Variants in ZNF600 observed in about 807,000 individuals in gnomAD.
The protein encoded by ZNF600 is zinc finger protein KR-ZNF1.
In ZNF600, 4 loss-of-function variants were observed where a neutral mutation model predicts 7.3. That is an observed-to-expected ratio of 0.55 (90% CI 0.27 to 1.25). The LOEUF (loss-of-function observed/expected upper bound fraction) is 1.25. Ranked by LOEUF, ZNF600 falls within the 50% of genes most tolerant of loss-of-function variation. The probability of loss-of-function intolerance (pLI) is 0.12; values close to 1 mark genes in which losing one functional copy is unlikely to be tolerated. For missense variants in ZNF600, 911 were observed against 922.1 expected (o/e 0.99, Z 0.16); for synonymous variants, 290 against 308.9 (o/e 0.94, Z 0.64).
the ZNF600 span, among the ~76,000 whole-genome samples, chr19:52,792,810 G>A: frequency 6.6e-6 from 1 of 151,504 alleles, no homozygotes; most frequent in African/African-American, 2.4e-5. Flanking sequence ...TCGGCTCACT[G>A]CAAGCTCCGC....
chr19:52,768,380 C>T (rs1600376439), intron 3 of ZNF600, among the ~76,000 whole-genome samples: 1 of 146,586 alleles, frequency 6.8e-6, no homozygotes, highest in African/African-American at 2.5e-5. Flanking sequence ...GCAGAGGTTG[C>T]GGTGAGGCAA....
chr19:52,800,774 A>T, the ZNF600 span: 5 of 1,614,116 alleles, frequency 3.1e-6, no homozygotes, highest in South Asian at 4.4e-5. Flanking sequence ...CACATTCATT[A>T]CACTTGTAAG....
the ZNF600 span, among the ~76,000 whole-genome samples, chr19:52,802,763 T>A: frequency 7.9e-5 from 2 of 25,184 alleles, no homozygotes; most frequent in Non-Finnish European, 2.4e-4. Flanking sequence ...CGTTGTGACT[T>A]TTTTTTTTTT....
At chr19:52,823,700 G>A in the ZNF600 span, among the ~76,000 whole-genome samples, 236 of 152,192 alleles carry the variant, frequency 1.6e-3, 2 homozygotes, top group South Asian at 1.0e-2. Context: ...TACAAGGATC[G>A]TTCCCAAGAC....
At chr19:52,807,851 A>G in the ZNF600 span, 2 of 1,222,092 alleles carry the variant, frequency 1.6e-6, no homozygotes, top group African/African-American at 3.0e-5. Context: ...CCTCTAAACA[A>G]AGGGGACAGT....
At chr19:52,826,833 T>C in the ZNF600 span, among the ~76,000 whole-genome samples, 303 of 151,960 alleles carry the variant, frequency 2.0e-3, 3 homozygotes, top group African/African-American at 6.9e-3. Context: ...CTGACAGATA[T>C]TGTGCCACTG....
chr19:52,796,707 A>G, the ZNF600 span, among the ~76,000 whole-genome samples: 2 of 152,132 alleles, frequency 1.3e-5, no homozygotes, highest in East Asian at 3.8e-4. Flanking sequence ...GGCTCACATG[A>G]CCCAGCTGTC....
At chr19:52,783,966 CG>C (rs1232564072) in intron 1 of ZNF600, among the ~76,000 whole-genome samples, 2 of 152,026 alleles carry the variant, frequency 1.3e-5, no homozygotes, top group Non-Finnish European at 2.9e-5. Context: ...CCCAGCTACT[CG>C]GGGGAAGTAT....
chr19:52,800,001 G>A, the ZNF600 span: 79 of 1,614,054 alleles, frequency 4.9e-5, no homozygotes, highest in African/African-American at 9.6e-4. Flanking sequence ...CTGACGGAAG[G>A]TCTTGCCACA....
At chr19:52,793,519 G>T in the ZNF600 span, among the ~76,000 whole-genome samples, 2 of 152,306 alleles carry the variant, frequency 1.3e-5, no homozygotes, top group East Asian at 3.9e-4. Flanking sequence ...TGTGGCTGGA[G>T]CAGTGGAAGA....
chr19:52,791,423 A>T (rs537022309), upstream of ZNF600, among the ~76,000 whole-genome samples: 18 of 152,374 alleles, frequency 1.2e-4, 1 homozygote, highest in African/African-American at 2.4e-4. Context: ...GACTCAGAAA[A>T]GACTGGCTGC....
chr19:52,815,694 A>G, the ZNF600 span, among the ~76,000 whole-genome samples: 9,209 of 145,432 alleles, frequency 0.063, 1,293 homozygotes, highest in African/African-American at 0.13. Context: ...GTGTGGTGGC[A>G]GGTGCCTGTG....
downstream of ZNF600, chr19:52,764,209 T>C (rs1377641959): frequency 6.6e-6 from 1 of 152,124 alleles, no homozygotes; most frequent in African/African-American, 2.4e-5. Flanking sequence ...TTTTTAATAT[T>C]TTTTGTTTGC....
the ZNF600 span, among the ~76,000 whole-genome samples, chr19:52,823,289 CT>C: frequency 1.3e-5 from 2 of 152,148 alleles, no homozygotes; most frequent in Non-Finnish European, 2.9e-5. Context: ...TCTTGGCTCA[CT>C]GTGACCTCCA....
rs570958556 is a variant in ZNF600 at position 52,773,968 on chromosome 19, T to G, written c.190+607A>C. Among the ~76,000 whole-genome samples, 406 of 151,968 alleles carry G rather than the reference T, an allele frequency of 2.7e-3. 1 individual carries two copies. The highest frequency in any genetic ancestry group is 9.4e-3 in the African/African-American group (390 of 41,528). On this transcript the variant is annotated intron_variant, in intron 3 of 3. Transcript: ENST00000648973. ...CCTGACCTCAGGTGATTCACCCACC[T>G]CAGCCTTCCAAAGTGCTGGGATTAC...
chr19:52,796,897 A>G, the ZNF600 span, among the ~76,000 whole-genome samples: 230 of 152,290 alleles, frequency 1.5e-3, 2 homozygotes, highest in African/African-American at 5.3e-3. Context: ...ACATGTTATA[A>G]CAGATTTGTA....
chr19:52,823,198 A>C, the ZNF600 span, among the ~76,000 whole-genome samples: 8 of 151,838 alleles, frequency 5.3e-5, no homozygotes, highest in African/African-American at 1.9e-4. Context: ...ATTTTATTGC[A>C]CTTTTTGTTT....
At chr19:52,831,365 A>G in the ZNF600 span, among the ~76,000 whole-genome samples, 3 of 152,098 alleles carry the variant, frequency 2.0e-5, no homozygotes, top group Non-Finnish European at 1.5e-5. Context: ...GCTGGAGTGC[A>G]GTGGTGTGAT....
intron 3 of ZNF600, among the ~76,000 whole-genome samples, chr19:52,768,752 A>C (rs113462475): frequency 0.047 from 7,189 of 152,152 alleles, 559 homozygotes; most frequent in African/African-American, 0.16. Context: ...CAGCAAGCCA[A>C]CTAGGTGCCA....
Sources: allele counts gnomAD v4.1 joint callset (sites outside exome capture counted in the v4.1 genomes callset), GRCh38; gene constraint gnomAD v4.1.1; transcripts MANE v1.5; gene names NCBI Gene and HGNC (gene_info 2026-07-23, HGNC 2026-07-21).